TRIM29: variants seen among roughly 807,000 people sequenced by gnomAD.
The protein encoded by TRIM29 is tripartite motif-containing protein 29.
In TRIM29, 52 loss-of-function variants were observed where a neutral mutation model predicts 57.3. The observed-to-expected ratio is 0.91, with a 90% CI of 0.73 to 1.14. The LOEUF (loss-of-function observed/expected upper bound fraction) is 1.14. Among genes scored for constraint, TRIM29 ranks in the 50% most tolerant of loss-of-function variants. The pLI, the probability that TRIM29 is intolerant of heterozygous loss-of-function variation, is 0.00. For synonymous variants in TRIM29, 319 were observed against 316.9 expected, an observed-to-expected ratio of 1.01 and a Z score of -0.07; for missense variants, 753 against 774.6, an observed-to-expected ratio of 0.97 and a Z score of 0.33.
intron 7 of TRIM29, chr11:120,116,893 GC>G (rs1341377737): frequency 8.7e-6 from 3 of 344,922 alleles, no homozygotes; most frequent in African/African-American, 2.2e-5. Flanking sequence ...GTGGCAGAGA[GC>G]CCCCCATGTC....
chr11:120,115,823 G>T (rs1321385693), intron 7 of TRIM29: 1 of 215,736 alleles, frequency 4.6e-6, no homozygotes, highest in Non-Finnish European at 9.4e-6. Flanking sequence ...CCGGCAGGAG[G>T]CGCTCACTTG....
chr11:120,123,922 G>A (rs753559821), intron 4 of TRIM29: 7 of 186,128 alleles, frequency 3.8e-5, no homozygotes, highest in Non-Finnish European at 6.7e-5. Context: ...GTCTCTTAGC[G>A]CAGGGGCCTT....
intron 8 of TRIM29, among the ~76,000 whole-genome samples, chr11:120,114,102 G>C (rs569260376): frequency 2.9e-4 from 44 of 152,236 alleles, no homozygotes; most frequent in African/African-American, 1.0e-3. Context: ...TTGATTCCCA[G>C]CTCAGCTTCT....
chr11:120,120,654 T>C lies in TRIM29; in HGVS notation c.1447A>G (p.Thr483Ala). 1.2e-6 allele frequency: 2 copies of C among 1,613,834 alleles called. No individual in the cohort carries two copies. Among genetic ancestry groups the C allele is most frequent in the South Asian group, 1.1e-5 (1 of 90,998 alleles). ...MYLTPKGGVRTSYQPSSPGRF... is the reference protein window; with the variant it reads ...MYLTPKGGVRASYQPSSPGRF... ...CCAGGAGACGAGGGCTGGTATGATGTCCGGACCCCACCTGTGAAGCAGATG... is the reference window on the plus strand; with the variant it reads ...CCAGGAGACGAGGGCTGGTATGATGCCCGGACCCCACCTGTGAAGCAGATG... Residue 483 changes from threonine to alanine, a missense_variant, in exon 6 of 9, where the codon ACA becomes GCA. Physicochemically the swap from Thr to Ala is moderately conservative, Grantham distance 58. Coordinates refer to ENST00000341846, the MANE Select transcript of TRIM29 (RefSeq NM_012101.4).
intron 1 of TRIM29, among the ~76,000 whole-genome samples, chr11:120,136,916 T>C (rs1863827655): frequency 6.6e-6 from 1 of 152,168 alleles, no homozygotes; most frequent in African/African-American, 2.4e-5. Flanking sequence ...AGTTGGGTCA[T>C]ACTCTCTAAC....
Position 120,138,095 on chromosome 11 carries a change from A to C in TRIM29, c.-64T>G. The C allele has an allele frequency of 7.1e-7, 1 of 1,403,732 alleles. No homozygotes were observed. Among genetic ancestry groups the C allele is most frequent in the Non-Finnish European group, 9.3e-7 (1 of 1,070,058 alleles). 87.0% of individuals were successfully genotyped at this position (1,403,732 alleles called of 1,614,324 possible). On this transcript the variant is annotated 5_prime_UTR_variant, in exon 1 of 9. Coordinates refer to ENST00000341846, the MANE Select transcript of TRIM29 (RefSeq NM_012101.4). ...GTTCAGGATAGGTGACCTTTCTGGC[A>C]GGCGTCTCGGCAGGGAGTGGGGCAG...
chr11:120,124,431 G>A, intron 4 of TRIM29: 1 of 152,534 alleles, frequency 6.6e-6, no homozygotes, highest in Non-Finnish European at 1.5e-5. Flanking sequence ...GGGCATGGGA[G>A]ACTGAACAGC....
intron 3 of TRIM29, among the ~76,000 whole-genome samples, chr11:120,126,927 T>G (rs1327601755): frequency 6.6e-6 from 1 of 152,176 alleles, no homozygotes; most frequent in Non-Finnish European, 1.5e-5. Flanking sequence ...TAAAACACTC[T>G]AGCAGATGGA....
intron 1 of TRIM29, chr11:120,129,042 G>T: frequency 2.9e-6 from 2 of 688,282 alleles, no homozygotes; most frequent in South Asian, 2.1e-5. Context: ...ATGGGAAAGG[G>T]AAGGCATTCT....
chr11:120,113,641 C>A (rs1416125809), intron 8 of TRIM29: 1 of 456,232 alleles, frequency 2.2e-6, no homozygotes, highest in Non-Finnish European at 4.4e-6. Flanking sequence ...GATGCTCAGA[C>A]CTTGCTTAAA....
chr11:120,118,244 T>G lies in TRIM29; in HGVS notation c.1606A>C (p.Ser536Arg). The G allele has an allele frequency of 3.1e-6, 5 of 1,614,020 alleles. No individual in the cohort carries two copies. Among genetic ancestry groups the G allele is most frequent in the Non-Finnish European group, 4.2e-6 (5 of 1,179,964 alleles). The change falls in exon 7 of 9, where the codon AGC becomes CGC. Residue 536 changes from serine (S) to arginine (R), a missense_variant. Ser to Arg is a moderately radical substitution (Grantham distance 110, BLOSUM62 -1). Coordinates refer to ENST00000341846, the MANE Select transcript of TRIM29 (RefSeq NM_012101.4). ...SDNDLPVVQG[S>R]SSFSLKGYPS... is the part of the protein sequence containing the mutation. ...TCACCTTTCAGGGAGAAGGAGGAGCTGCCTTGGACGACGGGCAGGTCATTG... is the reference window on the plus strand; with the variant it reads ...TCACCTTTCAGGGAGAAGGAGGAGCGGCCTTGGACGACGGGCAGGTCATTG...
intron 2 of TRIM29, 107 bp from the exon 3 acceptor site, chr11:120,127,676 C>T (rs574699696): frequency 2.0e-6 from 2 of 991,742 alleles, no homozygotes; most frequent in South Asian, 1.7e-5. Flanking sequence ...CAGGGCATTC[C>T]CACTGCCCCA....
chr11:120,130,146 C>T (rs1264666818), intron 1 of TRIM29, among the ~76,000 whole-genome samples: 1 of 152,136 alleles, frequency 6.6e-6, no homozygotes, highest in Non-Finnish European at 1.5e-5. Flanking sequence ...TGGCAGATCC[C>T]ACAGCCCCAA....
chr11:120,119,213 G>T (rs1442070226), intron 6 of TRIM29, among the ~76,000 whole-genome samples: 1 of 152,220 alleles, frequency 6.6e-6, no homozygotes, highest in Non-Finnish European at 1.5e-5. Flanking sequence ...AGGGCACTCA[G>T]AGGGCACTGG....
In TRIM29 at chr11:120,118,304, C is replaced by T. The variant is rs749898142; in HGVS notation, c.1546G>A (p.Val516Ile). The T allele has an allele frequency of 5.6e-6, 9 of 1,613,328 alleles. No individual in the cohort carries two copies. The Admixed American group carries it at 1.3e-4, about 24-fold the overall frequency. The change falls in exon 7 of 9, where the codon GTC becomes ATC. Residue 516 changes from valine to isoleucine, a missense_variant. Transcript: ENST00000341846. ...TGAATGCTGGAGGAGTACTCCCAGACCCGGGAGGTGTAGTTACCTGGCAGG... is the reference window on the plus strand; with the variant it reads ...TGAATGCTGGAGGAGTACTCCCAGATCCGGGAGGTGTAGTTACCTGGCAGG... ...YGTKGNYTSR[V>I]WEYSSSIQNS...
intron 4 of TRIM29, chr11:120,124,652 T>C (rs549157813): frequency 9.2e-4 from 140 of 152,314 alleles, no homozygotes; most frequent in African/African-American, 3.4e-3. Context: ...ATCACTATTG[T>C]CATTAGAAGG....
chr11:120,133,521 C>T (rs1344574674), intron 1 of TRIM29, among the ~76,000 whole-genome samples: 1 of 152,074 alleles, frequency 6.6e-6, no homozygotes, highest in Admixed American at 6.5e-5. Context: ...CCCTTAGCAC[C>T]CAGAGAGGCC....
chr11:120,123,452 T>C (rs112765815), intron 4 of TRIM29: 4 of 460,034 alleles, frequency 8.7e-6, no homozygotes, highest in Non-Finnish European at 4.4e-6. Flanking sequence ...GCTTGCCCAA[T>C]GTCACATGCC....
At chr11:120,123,103 G>C (rs767906280) in intron 4 of TRIM29, 48 bp from the exon 5 acceptor site, 1 of 1,567,912 alleles carries the variant, frequency 6.4e-7, no homozygotes, top group African/African-American at 1.4e-5. Flanking sequence ...TGGGAAGGAG[G>C]AGCCAGCCAC....
Sources: gnomAD v4.1 joint callset for allele counts (sites outside exome capture counted in the v4.1 genomes callset) on GRCh38, gnomAD v4.1.1 for gene constraint, MANE v1.5 for transcripts, NCBI Gene and HGNC (gene_info 2026-07-23, HGNC 2026-07-21) for gene names.